TSHR: variants seen among roughly 807,000 people sequenced by gnomAD.
TSHR encodes thyrotropin receptor.
TSHR carries 51 observed loss-of-function variants against 64.1 expected under a neutral mutation model. The ratio of observed to expected loss-of-function variants is 0.80; its 90% confidence interval spans 0.64 to 1.01. The LOEUF is 1.01. Ranked by LOEUF, TSHR falls within the 50% of genes least tolerant of loss-of-function variation. The pLI, the probability that TSHR is intolerant of heterozygous loss-of-function variation, is 0.00. For synonymous variants in TSHR, 361 were observed against 361.9 expected (o/e 1.00, Z 0.03); for missense variants, 877 against 942.8 (o/e 0.93, Z 0.91).
At chr14:81,106,042 A>C (rs1990595) in intron 7 of TSHR, among the ~76,000 whole-genome samples, 96,818 of 151,930 alleles carry the variant, frequency 0.64, 31,224 homozygotes, top group South Asian at 0.73. Context: ...AAGGAGAGTC[A>C]AACAATGATC....
chr14:81,015,154 C>T (rs1406386566), intron 1 of TSHR, among the ~76,000 whole-genome samples: 7 of 152,122 alleles, frequency 4.6e-5, no homozygotes, highest in African/African-American at 1.7e-4. Context: ...TTGCAAACAA[C>T]CAAAATCCTT....
At chr14:80,973,649 G>A (rs1323299797) in intron 1 of TSHR, among the ~76,000 whole-genome samples, 1 of 152,070 alleles carries the variant, frequency 6.6e-6, no homozygotes, top group East Asian at 1.9e-4. Context: ...AACTCTTTTA[G>A]AGTCAATATT....
chr14:81,030,868 A>G (rs974655692), intron 1 of TSHR, among the ~76,000 whole-genome samples: 3 of 152,178 alleles, frequency 2.0e-5, no homozygotes, highest in Admixed American at 6.5e-5. Flanking sequence ...TGAATATAGC[A>G]CACATGGGGC....
At chr14:81,071,566 C>T (rs1195504391) in intron 3 of TSHR, among the ~76,000 whole-genome samples, 3 of 152,074 alleles carry the variant, frequency 2.0e-5, no homozygotes, top group South Asian at 2.1e-4. Flanking sequence ...AGTTTCTCAG[C>T]CAGCCTGGAC....
chr14:81,063,328 T>C (rs1886373160), intron 2 of TSHR, among the ~76,000 whole-genome samples: 1 of 152,190 alleles, frequency 6.6e-6, no homozygotes, highest in African/African-American at 2.4e-5. Flanking sequence ...TCTTTGTATA[T>C]TTTGTTCTAA....
At chr14:80,967,179 T>A (rs1887359006) in intron 1 of TSHR, among the ~76,000 whole-genome samples, 1 of 51,658 alleles carries the variant, frequency 1.9e-5, no homozygotes, top group Admixed American at 2.9e-4. Flanking sequence ...TATATATATA[T>A]GTATGTGTAT....
intron 1 of TSHR, among the ~76,000 whole-genome samples, chr14:81,044,709 C>T (rs1326645510): frequency 6.7e-6 from 1 of 148,888 alleles, no homozygotes; most frequent in Non-Finnish European, 1.5e-5. Flanking sequence ...TACCATCTTA[C>T]ACCAGTTCAG....
At chr14:81,102,429 T>C (rs8008351) in intron 7 of TSHR, among the ~76,000 whole-genome samples, 9,992 of 152,244 alleles carry the variant, frequency 0.066, 1,011 homozygotes, top group African/African-American at 0.22. Flanking sequence ...TCACAATACT[T>C]TCTTGACATT....
At chr14:81,092,334 G>T (rs940623690) in intron 5 of TSHR, among the ~76,000 whole-genome samples, 197 bp from the exon 6 acceptor site, 1 of 152,150 alleles carries the variant, frequency 6.6e-6, no homozygotes, top group Admixed American at 6.5e-5. Flanking sequence ...GGCTCCAGGT[G>T]CATGTCATCT....
intron 9 of TSHR, among the ~76,000 whole-genome samples, chr14:81,141,780 C>T (rs561211897): frequency 3.9e-5 from 6 of 152,236 alleles, no homozygotes; most frequent in African/African-American, 1.4e-4. Context: ...TTAAAATATT[C>T]AGTTTGAAAC....
At chr14:81,034,242 T>A (rs1434129486) in intron 1 of TSHR, among the ~76,000 whole-genome samples, 1 of 152,216 alleles carries the variant, frequency 6.6e-6, no homozygotes, top group African/African-American at 2.4e-5. Flanking sequence ...GTTGACATCA[T>A]GTTACCTTGA....
Position 81,009,879 on chromosome 14 carries a change from G to A in TSHR, c.171-52269G>A, listed in dbSNP as rs116875209. Among the ~76,000 whole-genome samples, 314 of 152,088 alleles carry A rather than the reference G, an allele frequency of 2.1e-3. 7 individuals carry two copies. The East Asian group carries it at 0.056, about 27-fold the overall frequency. On this transcript the variant is annotated intron_variant, in intron 1 of 9. Transcript: ENST00000298171. ...TGTGTACGTCAACTGTGCCAGTTGT[G>A]GGGGGAGAATATACCTAGATGAGGA...
intron 1 of TSHR, chr14:80,982,038 T>G (rs3783949): frequency 0.49 from 204,148 of 415,284 alleles, 51,239 homozygotes; most frequent in East Asian, 0.65. Context: ...CGGAAAAGAG[T>G]CTGCTATACA....
intron 1 of TSHR, chr14:81,053,829 C>T (rs895989153): frequency 1.4e-4 from 21 of 151,724 alleles, no homozygotes; most frequent in Non-Finnish European, 2.1e-4. Context: ...GGAGAATGAA[C>T]AAAAAAATGC....
intron 2 of TSHR, among the ~76,000 whole-genome samples, chr14:81,065,045 T>C (rs1886511550): frequency 6.6e-6 from 1 of 151,942 alleles, no homozygotes; most frequent in Non-Finnish European, 1.5e-5. Context: ...CTTTGAAGGG[T>C]GACAAAAATA....
intron 1 of TSHR, among the ~76,000 whole-genome samples, chr14:80,989,363 G>A (rs4903960): frequency 0.94 from 142,950 of 152,254 alleles, 67,219 homozygotes; most frequent in East Asian, 1. Flanking sequence ...GGTGTTCCAT[G>A]GATATGTTGG....
chr14:80,983,449 A>T, intron 1 of TSHR: 1 of 1,307,706 alleles, frequency 7.6e-7, no homozygotes, highest in Non-Finnish European at 1.1e-6. Flanking sequence ...ATCAATATGA[A>T]GGCACTGGCA....
At chr14:81,037,759 G>A (rs939854135) in intron 1 of TSHR, among the ~76,000 whole-genome samples, 3 of 151,848 alleles carry the variant, frequency 2.0e-5, no homozygotes, top group African/African-American at 4.8e-5. Context: ...TATACTAAAG[G>A]GGTCAATTAG....
chr14:81,124,481 A>G (rs1890935357), intron 8 of TSHR, among the ~76,000 whole-genome samples: 1 of 152,194 alleles, frequency 6.6e-6, no homozygotes, highest in Non-Finnish European at 1.5e-5. Flanking sequence ...CATTATCCAG[A>G]AAGTTCCCTC....
Sources: allele counts gnomAD v4.1 joint callset (sites outside exome capture counted in the v4.1 genomes callset), GRCh38; gene constraint gnomAD v4.1.1; transcripts MANE v1.5; gene names NCBI Gene and HGNC (gene_info 2026-07-23, HGNC 2026-07-21).